Variants in LGR5 observed in about 807,000 individuals in gnomAD.
LGR5 encodes leucine rich repeat containing G protein-coupled receptor 5.
Under a neutral mutation model 76.7 loss-of-function variants are expected in LGR5, and 54 were observed. The ratio of observed to expected loss-of-function variants is 0.70; its 90% CI spans 0.57 to 0.88. The LOEUF is 0.88. Ranked by LOEUF, LGR5 falls within the 40% of genes least tolerant of loss-of-function variation. The pLI, the probability that LGR5 is intolerant of heterozygous loss-of-function variation, is 0.00. For missense variants in LGR5, 1,078 were observed against 1,073.3 expected (o/e 1.00, Z -0.06); for synonymous variants, 406 against 421.9 (o/e 0.96, Z 0.46).
intron 1 of LGR5, among the ~76,000 whole-genome samples, chr12:71,466,796 A>C (rs574058957): frequency 6.6e-6 from 1 of 152,214 alleles, no homozygotes; most frequent in South Asian, 2.1e-4. Context: ...ATTTAAGAAA[A>C]CTGAGGAGAT....
chr12:71,440,343 G>A lies in LGR5; in HGVS notation c.212+51G>A, dbSNP rs767796832. The A allele has an allele frequency of 1.3e-6, 2 of 1,569,018 alleles. No homozygotes were observed. ...GGAGAGAGACTAAGAGGGGAAGGAA[G>A]GTTCGTCCAAGGCGAGGCTGGAGGC... is the stretch of plus-strand genomic sequence containing the variant. On this transcript the variant is annotated intron_variant, in intron 1 of 17. Coordinates refer to ENST00000266674, the MANE Select transcript of LGR5 (RefSeq NM_003667.4). This position sits in a 1 kb window ranked among gnomAD's most constrained non-coding sequence, Gnocchi z 5.3.
Position 71,578,896 on chromosome 12 carries a change from G to A in LGR5, c.1373G>A (p.Ser458Asn), listed in dbSNP as rs749800887. 28 of 1,610,514 alleles carry A rather than the reference G, an allele frequency of 1.7e-5. No individual in the cohort carries two copies. Among genetic ancestry groups the A allele is most frequent in the Non-Finnish European group, 2.3e-5 (27 of 1,178,422 alleles). The change falls in exon 15 of 18, where the codon AGC becomes AAC. Residue 458 changes from serine to asparagine, a missense_variant. By Grantham distance (46) the Ser-to-Asn change is conservative (BLOSUM62 1). Coordinates refer to ENST00000266674, the MANE Select transcript of LGR5 (RefSeq NM_003667.4). ...TTAACAGGAAATCATGCCTTACAGAGCTTGATATCATCTGAAAACTTTCCA... is the reference window on the plus strand; with the variant it reads ...TTAACAGGAAATCATGCCTTACAGAACTTGATATCATCTGAAAACTTTCCA... The part of the protein sequence containing the change: ...LKLTGNHALQ[S>N]LISSENFPEL...
intron 1 of LGR5, among the ~76,000 whole-genome samples, chr12:71,498,210 A>G (rs575158088): frequency 6.6e-6 from 1 of 152,316 alleles, no homozygotes; most frequent in South Asian, 2.1e-4. Context: ...ACAAGCAAAA[A>G]CAATCACTGT....
At position 71,584,382 on chromosome 12, in the gene LGR5, T is replaced by A. The variant is rs770982380; in HGVS notation, c.2372T>A (p.Ile791Lys). The A allele has an allele frequency of 5.6e-6, 9 of 1,614,122 alleles. No individual in the cohort carries two copies. The highest frequency in any genetic ancestry group is 1.7e-5 in the Admixed American group (1 of 60,014). Residue 791 changes from isoleucine to lysine, a missense_variant, in exon 18 of 18, where the codon ATA (isoleucine) becomes AAA (lysine). Transcript: ENST00000266674. The stretch of plus-strand genomic sequence containing the variant: ...GCTTTCTTGTCCTTCTCCTCTTTAA[T>A]AAACCTTACATTTATCAGTCCTGAA... Reference protein sequence around the residue: ...PVAFLSFSSLINLTFISPEVI... With the variant: ...PVAFLSFSSLKNLTFISPEVI...
intron 4 of LGR5, among the ~76,000 whole-genome samples, chr12:71,542,463 G>C (rs1237790935): frequency 2.0e-5 from 3 of 152,154 alleles, no homozygotes; most frequent in Non-Finnish European, 2.9e-5. Context: ...AAAGCAATGG[G>C]AATCTGTTGG....
In LGR5 at chr12:71,524,454, T is replaced by A. The variant is rs1875882681; in HGVS notation, c.333T>A (p.Thr111=). 6.2e-7 allele frequency: 1 copy of A among 1,612,896 alleles called. No homozygotes were observed. Among genetic ancestry groups the A allele is most frequent in the African/African-American group, 1.3e-5 (1 of 74,896 alleles). The change falls in exon 3 of 18, where the codon ACT becomes ACA. Residue 111 remains threonine, a synonymous_variant. Transcript: ENST00000266674. ...ALTYIPKGAF[T]GLYSLKVLML... ...CATACATTCCCAAGGGAGCATTCAC[T>A]GGCCTTTACAGTCTTAAAGTTCTGT...
chr12:71,572,347 G>T (rs547243482), intron 12 of LGR5, among the ~76,000 whole-genome samples: 1 of 152,288 alleles, frequency 6.6e-6, no homozygotes, highest in East Asian at 1.9e-4. Context: ...CTCCCAAAGT[G>T]CTGCGATTAC....
At chr12:71,501,933 A>G (rs566733810) in intron 1 of LGR5, among the ~76,000 whole-genome samples, 5 of 152,184 alleles carry the variant, frequency 3.3e-5, no homozygotes, top group Admixed American at 6.5e-5. Context: ...AGGCAAATTA[A>G]TTTTTACCTT....
intron 3 of LGR5, 30 bp from the exon 4 acceptor site, chr12:71,535,085 A>G: frequency 6.6e-7 from 1 of 1,520,624 alleles, no homozygotes; most frequent in African/African-American, 1.4e-5. Flanking sequence ...ATTTTTTTTA[A>G]CATTTTTCTT....
chr12:71,584,120 A>G lies in LGR5; in HGVS notation c.2110A>G (p.Ser704Gly), dbSNP rs2137486180. The G allele has an allele frequency of 6.2e-7, 1 of 1,614,190 alleles. No individual in the cohort carries two copies. The highest frequency in any genetic ancestry group is 1.1e-5 in the South Asian group (1 of 91,080). Residue 704 changes from serine (S) to glycine (G), a missense_variant, in exon 18 of 18, where the codon AGC (serine) becomes GGC (glycine). Ser to Gly is a moderately conservative substitution (Grantham distance 56, BLOSUM62 0). Coordinates refer to ENST00000266674, the MANE Select transcript of LGR5 (RefSeq NM_003667.4). ...TMAAVPLLGG[S>G]KYGASPLCLP... ...GGCCGCAGTTCCCCTGCTGGGTGGC[A>G]GCAAGTATGGCGCCTCCCCTCTCTG...
chr12:71,561,815 G>A lies in LGR5; in HGVS notation c.820G>A (p.Glu274Lys), dbSNP rs964196764. 8 of 1,606,812 alleles carry A rather than the reference G, an allele frequency of 5.0e-6. No homozygotes were observed. The highest frequency in any genetic ancestry group is 6.8e-6 in the Non-Finnish European group (8 of 1,175,396). The change falls in exon 8 of 18, where the codon GAG (glutamate) becomes AAG (lysine). Residue 274 changes from glutamate to lysine, a missense_variant. Physicochemically the swap from Glu to Lys is moderately conservative, Grantham distance 56 (BLOSUM62 1). Transcript: ENST00000266674. ...FHSNNIRSIP[E>K]KAFVGNPSLI... ...TAGCAACAATATCAGGTCGATACCT[G>A]AGAAAGCATTTGTAGGCAACCCTTC...
intron 2 of LGR5, among the ~76,000 whole-genome samples, chr12:71,511,114 T>C (rs556473902): frequency 1.3e-5 from 2 of 152,280 alleles, no homozygotes; most frequent in East Asian, 3.9e-4. Context: ...GATTTCTGCA[T>C]GCAAAATAGA....
At chr12:71,551,492 C>CT (rs916665630) in intron 4 of LGR5, among the ~76,000 whole-genome samples, 2 of 151,862 alleles carry the variant, frequency 1.3e-5, no homozygotes, top group African/African-American at 4.8e-5. Context: ...TACAACTCTT[C>CT]TTTTTTTTAA....
At chr12:71,509,076 C>G (rs1389810856) in intron 2 of LGR5, among the ~76,000 whole-genome samples, 6 of 152,068 alleles carry the variant, frequency 3.9e-5, no homozygotes, top group African/African-American at 1.4e-4. Flanking sequence ...GAAAGAAAAG[C>G]AGGTCGAAAT....
chr12:71,558,879 A>G (rs1205147862), intron 6 of LGR5, among the ~76,000 whole-genome samples: 2 of 152,234 alleles, frequency 1.3e-5, no homozygotes, highest in Non-Finnish European at 2.9e-5. Flanking sequence ...GCTATAACAG[A>G]TACAGAAACT....
chr12:71,510,186 T>G (rs1159364581), intron 2 of LGR5, among the ~76,000 whole-genome samples: 1 of 152,204 alleles, frequency 6.6e-6, no homozygotes, highest in Non-Finnish European at 1.5e-5. Context: ...CCCCTTGGCC[T>G]TCTCACAGTG....
chr12:71,491,764 A>G (rs1178148247), intron 1 of LGR5, among the ~76,000 whole-genome samples: 3 of 148,708 alleles, frequency 2.0e-5, no homozygotes, highest in East Asian at 2.0e-4. Flanking sequence ...GTGAAATGCT[A>G]AAGAAGACAG....
Position 71,583,932 on chromosome 12 carries a change from G to C in LGR5, c.1922G>C (p.Gly641Ala). 6.2e-7 allele frequency: 1 copy of C among 1,614,184 alleles called. No individual in the cohort carries two copies. The highest frequency in any genetic ancestry group is 8.5e-7 in the Non-Finnish European group (1 of 1,180,036). The change falls in exon 18 of 18, where the codon GGT becomes GCT. Residue 641 changes from glycine (G) to alanine (A), a missense_variant. Coordinates refer to ENST00000266674, the MANE Select transcript of LGR5 (RefSeq NM_003667.4). The stretch of plus-strand genomic sequence containing the variant: ...AATGGGGTTGGTTGCCATGTCATTG[G>C]TTTTTTGTCCATTTTTGCTTCAGAA... ...WENGVGCHVI[G>A]FLSIFASESS...
chr12:71,450,853 G>A (rs1004115041), intron 1 of LGR5, among the ~76,000 whole-genome samples: 1 of 152,024 alleles, frequency 6.6e-6, no homozygotes, highest in African/African-American at 2.4e-5. Context: ...CTCTCTTCAA[G>A]ATGCACCTCT....
Sources: allele counts gnomAD v4.1 joint callset (sites outside exome capture counted in the v4.1 genomes callset), GRCh38; gene constraint gnomAD v4.1.1; non-coding constraint Gnocchi (gnomAD v3.1); transcripts MANE v1.5; gene names NCBI Gene and HGNC (gene_info 2026-07-23, HGNC 2026-07-21).